R3HDM1: variants seen among roughly 807,000 people sequenced by gnomAD.
R3HDM1 encodes R3H domain-containing protein 1.
Under a neutral mutation model 141.1 loss-of-function variants are expected in R3HDM1, and 46 were observed. That is an observed-to-expected ratio of 0.33 (90% CI 0.26 to 0.42). R3HDM1 has a LOEUF of 0.42. R3HDM1 is among the 10% of genes least tolerant of loss of function. The probability of loss-of-function intolerance (pLI) is 1.00; values close to 1 mark genes in which losing one functional copy is unlikely to be tolerated. For missense variants in R3HDM1, 1,184 were observed against 1,368.3 expected, an observed-to-expected ratio of 0.87 and a Z score of 2.12; for synonymous variants, 435 against 472.9, an observed-to-expected ratio of 0.92 and a Z score of 1.04.
At chr2:135,649,831 T>C in intron 16 of R3HDM1, 71 bp from the exon 17 acceptor site, 5 of 948,454 alleles carry the variant, frequency 5.3e-6, no homozygotes, top group Non-Finnish European at 6.7e-6. Flanking sequence ...AAGTGTAAAT[T>C]TCCGTTTTAT....
intron 11 of R3HDM1, among the ~76,000 whole-genome samples, chr2:135,637,150 A>G (rs1288711992): frequency 6.6e-6 from 1 of 152,166 alleles, no homozygotes. Flanking sequence ...ATGAATAGCC[A>G]AGTAATGACA....
intron 25 of R3HDM1, 136 bp from the exon 26 acceptor site, chr2:135,722,333 G>C (rs2076777159): frequency 3.6e-6 from 3 of 844,316 alleles, no homozygotes; most frequent in African/African-American, 3.4e-5. Flanking sequence ...GCAGAATCCA[G>C]AAGGCCTGGG....
chr2:135,603,515 C>T (rs2059794569), intron 2 of R3HDM1, among the ~76,000 whole-genome samples: 2 of 152,166 alleles, frequency 1.3e-5, no homozygotes, highest in East Asian at 3.8e-4. Flanking sequence ...TAACCTATAT[C>T]TGTCTATCCC....
At chr2:135,633,346 C>A (rs1284257443) in intron 9 of R3HDM1, among the ~76,000 whole-genome samples, 1 of 152,136 alleles carries the variant, frequency 6.6e-6, no homozygotes, top group Non-Finnish European at 1.5e-5. Context: ...CTGCTGGATA[C>A]ACAAGCACAT....
chr2:135,562,711 C>T (rs1702023186), intron 1 of R3HDM1, among the ~76,000 whole-genome samples: 1 of 152,196 alleles, frequency 6.6e-6, no homozygotes, highest in African/African-American at 2.4e-5. Context: ...GTGCTTTCAT[C>T]TTTACATTCC....
At chr2:135,668,693 G>A (rs2067886802) in intron 19 of R3HDM1, among the ~76,000 whole-genome samples, 2 of 152,124 alleles carry the variant, frequency 1.3e-5, no homozygotes, top group South Asian at 4.1e-4. Context: ...TCAAGACTTC[G>A]CCCATAAAAC....
chr2:135,705,107 C>T (rs2105422661), intron 21 of R3HDM1, among the ~76,000 whole-genome samples: 1 of 152,332 alleles, frequency 6.6e-6, no homozygotes, highest in South Asian at 2.1e-4. Flanking sequence ...ACTGTTTTCA[C>T]ATTTCATAAA....
chr2:135,647,208 A>G (rs1055199922), intron 16 of R3HDM1, among the ~76,000 whole-genome samples: 69 of 152,312 alleles, frequency 4.5e-4, no homozygotes, highest in African/African-American at 1.7e-3. Context: ...ATTTGGTTAC[A>G]TACAATGAGC....
intron 1 of R3HDM1, among the ~76,000 whole-genome samples, chr2:135,588,050 CTTTT>C (rs1559178147): frequency 6.6e-6 from 1 of 151,404 alleles, no homozygotes; most frequent in East Asian, 1.9e-4. Flanking sequence ...CTCTCTCTCT[CTTTT>C]ATCTTTCTAC....
intron 21 of R3HDM1, among the ~76,000 whole-genome samples, chr2:135,692,990 A>G (rs1346635406): frequency 1.3e-5 from 2 of 152,212 alleles, no homozygotes; most frequent in Non-Finnish European, 2.9e-5. Flanking sequence ...TAACATACCT[A>G]CTAGATCTAA....
intron 19 of R3HDM1, among the ~76,000 whole-genome samples, chr2:135,663,990 C>T (rs914488842): frequency 7.4e-5 from 11 of 147,672 alleles, no homozygotes; most frequent in Admixed American, 2.1e-4. Context: ...GCTGAGATGG[C>T]GCCACTGCAC....
intron 1 of R3HDM1, among the ~76,000 whole-genome samples, chr2:135,589,434 C>T (rs926452105): frequency 1.3e-5 from 2 of 152,124 alleles, no homozygotes; most frequent in Admixed American, 1.3e-4. Flanking sequence ...TTGTAGGGGA[C>T]AAAAGGTGGA....
chr2:135,700,716 T>G (rs1178295642), intron 21 of R3HDM1, among the ~76,000 whole-genome samples: 1 of 152,168 alleles, frequency 6.6e-6, no homozygotes, highest in Non-Finnish European at 1.5e-5. Context: ...TAATTTGAAA[T>G]AGCAGCCATG....
chr2:135,543,959 A>G (rs557071463), intron 1 of R3HDM1, among the ~76,000 whole-genome samples: 1 of 152,260 alleles, frequency 6.6e-6, no homozygotes, highest in Non-Finnish European at 1.5e-5. Flanking sequence ...TTGGAAACTC[A>G]GAGACCTAAT....
chr2:135,534,415 T>G (rs1213365492), intron 1 of R3HDM1, among the ~76,000 whole-genome samples: 2 of 152,252 alleles, frequency 1.3e-5, no homozygotes, highest in Non-Finnish European at 2.9e-5. Context: ...TTAATTCTCC[T>G]TATTTATCAA....
intron 21 of R3HDM1, among the ~76,000 whole-genome samples, chr2:135,684,007 C>T (rs1363484227): frequency 6.9e-6 from 1 of 145,618 alleles, no homozygotes; most frequent in Non-Finnish European, 1.5e-5. Context: ...CATACTCAAG[C>T]ACCTGGAACA....
intron 1 of R3HDM1, among the ~76,000 whole-genome samples, chr2:135,532,461 G>A (rs539594737): frequency 2.4e-4 from 37 of 152,228 alleles, no homozygotes; most frequent in African/African-American, 7.7e-4. Context: ...ATCATGCTCC[G>A]TGTGTAATTG....
At chr2:135,563,395 C>T (rs571000839) in intron 1 of R3HDM1, among the ~76,000 whole-genome samples, 1 of 152,286 alleles carries the variant, frequency 6.6e-6, no homozygotes, top group South Asian at 2.1e-4. Context: ...CTCTTGCTGC[C>T]ACGACTCCTA....
intron 17 of R3HDM1, chr2:135,650,479 T>C: frequency 1.0e-6 from 1 of 978,162 alleles, no homozygotes; most frequent in Non-Finnish European, 1.2e-6. Context: ...AATCTGTGAC[T>C]GTAAAGTAAT....
Sources: gnomAD v4.1 joint callset for allele counts (sites outside exome capture counted in the v4.1 genomes callset) on GRCh38, gnomAD v4.1.1 for gene constraint, MANE v1.5 for transcripts, NCBI Gene and HGNC (gene_info 2026-07-23, HGNC 2026-07-21) for gene names.